CECR2: variants seen among roughly 807,000 people sequenced by gnomAD.
CECR2 encodes chromatin remodeling regulator CECR2.
Under a neutral mutation model 154.5 loss-of-function variants are expected in CECR2, and 30 were observed. That is an observed-to-expected ratio of 0.19 (90% CI 0.15 to 0.26). The LOEUF is 0.26. Ranked by LOEUF, CECR2 falls within the 10% of genes least tolerant of loss-of-function variation. CECR2 has a pLI of 1.00. For synonymous variants in CECR2, 725 were observed against 683.7 expected (o/e 1.06, Z -0.94); for missense variants, 1,743 against 1,829.3 (o/e 0.95, Z 0.86).
chr22:17,389,713 C>T (rs1218323286), intron 1 of CECR2, among the ~76,000 whole-genome samples: 5 of 152,048 alleles, frequency 3.3e-5, no homozygotes, highest in South Asian at 2.1e-4. Flanking sequence ...CTGCAACCTC[C>T]GCCTCCTGGG....
At chr22:17,551,971 T>C in intron 17 of CECR2, 60 bp from the exon 18 acceptor site, 1 of 1,526,296 alleles carries the variant, frequency 6.6e-7, no homozygotes, top group Admixed American at 1.7e-5. Context: ...CAGTGTCTTG[T>C]TTCTTCTGTC....
intron 1 of CECR2, among the ~76,000 whole-genome samples, chr22:17,413,977 T>A (rs1569066000): frequency 8.1e-6 from 1 of 123,736 alleles, no homozygotes; most frequent in Non-Finnish European, 1.7e-5. Context: ...GCGCCCGGCC[T>A]ATTATTATTT....
intron 1 of CECR2, among the ~76,000 whole-genome samples, chr22:17,473,894 CTGTT>C (rs1467452512): frequency 6.6e-6 from 1 of 152,146 alleles, no homozygotes; most frequent in Non-Finnish European, 1.5e-5. Context: ...AGCATTTTAA[CTGTT>C]TGGCCATTTC....
chr22:17,456,875 C>T (rs2054862063), intron 1 of CECR2, among the ~76,000 whole-genome samples: 1 of 152,216 alleles, frequency 6.6e-6, no homozygotes. Flanking sequence ...CTCATGTGCA[C>T]TCTTCCATAT....
chr22:17,393,245 C>T (rs1438155478), intron 1 of CECR2, among the ~76,000 whole-genome samples: 1 of 152,098 alleles, frequency 6.6e-6, no homozygotes, highest in Non-Finnish European at 1.5e-5. Flanking sequence ...CCTTTTTGGG[C>T]CTTCATAATG....
intron 1 of CECR2, among the ~76,000 whole-genome samples, chr22:17,402,758 T>TCTTC (rs201760778): frequency 1.9e-5 from 2 of 103,822 alleles, no homozygotes; most frequent in East Asian, 4.3e-4. Flanking sequence ...TTTCTTCTTT[T>TCTTC]TTTTTTTTTT....
At position 17,548,426 on chromosome 22, in the gene CECR2, G is replaced by A. The variant is rs1193253270; in HGVS notation, c.3139G>A (p.Ala1047Thr). The A allele has an allele frequency of 1.2e-6, 2 of 1,613,860 alleles. No homozygotes were observed. The highest frequency in any genetic ancestry group is 2.2e-5 in the East Asian group (1 of 44,876). Reference sequence around the variant, plus strand: ...GTGCGTGAGAGACCTCTCCACGGTGGCAGACAGGGGCGCTCTATCCGAGAA... The same window carrying A: ...GTGCGTGAGAGACCTCTCCACGGTGACAGACAGGGGCGCTCTATCCGAGAA... ...QGCVRDLSTV[A>T]DRGALSENGV... The change falls in exon 17 of 19, where the codon GCA (alanine) becomes ACA (threonine). Residue 1047 changes from alanine to threonine, a missense_variant. Ala to Thr is a moderately conservative substitution (Grantham distance 58, BLOSUM62 0). Coordinates refer to ENST00000262608, the MANE Select transcript of CECR2 (RefSeq NM_001290047.2).
chr22:17,501,431 G>A (rs2055735968), intron 5 of CECR2, among the ~76,000 whole-genome samples: 1 of 152,056 alleles, frequency 6.6e-6, no homozygotes, highest in African/African-American at 2.4e-5. Flanking sequence ...GGTGGCGGGT[G>A]CCTGTAGTCC....
At chr22:17,519,562 G>A (rs575385670) in intron 8 of CECR2, among the ~76,000 whole-genome samples, 12 of 151,834 alleles carry the variant, frequency 7.9e-5, no homozygotes, top group African/African-American at 2.4e-4. Flanking sequence ...CCGGCCCCTC[G>A]TGTGCTTTAT....
At chr22:17,475,106 G>A (rs919062389) in intron 1 of CECR2, among the ~76,000 whole-genome samples, 1 of 152,206 alleles carries the variant, frequency 6.6e-6, no homozygotes, top group Non-Finnish European at 1.5e-5. Context: ...CACAGTGACA[G>A]TGAGCACTGG....
chr22:17,479,784 T>G (rs2055274788), intron 2 of CECR2, among the ~76,000 whole-genome samples: 1 of 150,178 alleles, frequency 6.7e-6, no homozygotes, highest in Admixed American at 6.6e-5. Flanking sequence ...TTTTTTTTTT[T>G]TGGGACAGGG....
At chr22:17,461,034 CT>C (rs2054929554) in intron 1 of CECR2, among the ~76,000 whole-genome samples, 1 of 152,170 alleles carries the variant, frequency 6.6e-6, no homozygotes, top group Non-Finnish European at 1.5e-5. Context: ...CCTGTCAATC[CT>C]GTGGTTGCTT....
chr22:17,434,204 G>A (rs1282149737), intron 1 of CECR2, among the ~76,000 whole-genome samples: 1 of 152,186 alleles, frequency 6.6e-6, no homozygotes, highest in Non-Finnish European at 1.5e-5. Context: ...AAAGCATGGT[G>A]TGACTATTGT....
intron 1 of CECR2, among the ~76,000 whole-genome samples, chr22:17,360,477 T>C (rs2062970913): frequency 6.6e-6 from 1 of 152,002 alleles, no homozygotes; most frequent in Non-Finnish European, 1.5e-5. Flanking sequence ...AGGTCAGGAG[T>C]TCGAGACCAG....
intron 1 of CECR2, among the ~76,000 whole-genome samples, chr22:17,408,061 A>G (rs568916297): frequency 5.8e-4 from 89 of 152,332 alleles, no homozygotes; most frequent in African/African-American, 2.0e-3. Context: ...CAAAATTTAC[A>G]TAACGTAAAA....
chr22:17,483,211 G>A (rs2055359981), intron 2 of CECR2, among the ~76,000 whole-genome samples: 1 of 152,262 alleles, frequency 6.6e-6, no homozygotes, highest in African/African-American at 2.4e-5. Flanking sequence ...GAACAAAACA[G>A]ATCAAATGTA....
At chr22:17,452,860 A>C (rs116447446) in intron 1 of CECR2, among the ~76,000 whole-genome samples, 1 of 152,222 alleles carries the variant, frequency 6.6e-6, no homozygotes, top group East Asian at 1.9e-4. Context: ...GCTATAAAAG[A>C]AAGAGGTCAC....
At chr22:17,511,444 A>T (rs2055950222) in intron 7 of CECR2, among the ~76,000 whole-genome samples, 1 of 151,326 alleles carries the variant, frequency 6.6e-6, no homozygotes, top group South Asian at 2.1e-4. Context: ...GCTGCTCCTG[A>T]TGCCCCCTCC....
intron 1 of CECR2, among the ~76,000 whole-genome samples, chr22:17,408,406 TCA>T (rs2054017464): frequency 6.6e-6 from 1 of 152,184 alleles, no homozygotes; most frequent in South Asian, 2.1e-4. Context: ...GTTGTATGCC[TCA>T]GTTTCCTTTT....
Sources: gnomAD v4.1 joint callset for allele counts (sites outside exome capture counted in the v4.1 genomes callset) on GRCh38, gnomAD v4.1.1 for gene constraint, MANE v1.5 for transcripts, NCBI Gene and HGNC (gene_info 2026-07-23, HGNC 2026-07-21) for gene names.